Variants in OPCML observed in about 807,000 individuals in gnomAD.
OPCML encodes the protein opioid-binding protein/cell adhesion molecule.
In OPCML, 13 loss-of-function variants were observed where a neutral mutation model predicts 37.8. The ratio of observed to expected loss-of-function variants is 0.34; its 90% CI spans 0.22 to 0.55. The LOEUF (loss-of-function observed/expected upper bound fraction) is 0.55, where lower values mean the gene tolerates loss of function less well. Among genes scored for constraint, OPCML ranks in the 20% least tolerant of loss-of-function variants. The pLI is 0.91. For synonymous variants in OPCML, 176 were observed against 168.8 expected, an observed-to-expected ratio of 1.04 and a Z score of -0.33; for missense variants, 341 against 435.6, an observed-to-expected ratio of 0.78 and a Z score of 1.93.
At chr11:133,356,482 G>C (rs1156470390) in intron 1 of OPCML, among the ~76,000 whole-genome samples, 1 of 152,198 alleles carries the variant, frequency 6.6e-6, no homozygotes, top group Non-Finnish European at 1.5e-5. Context: ...GTGTGAGAAA[G>C]TAGGAGCCAG....
chr11:132,649,325 C>T (rs775874548), intron 3 of OPCML, among the ~76,000 whole-genome samples: 2 of 152,034 alleles, frequency 1.3e-5, no homozygotes, highest in Non-Finnish European at 2.9e-5. Context: ...CAACCACACA[C>T]AATGTCATGA....
At chr11:133,104,144 G>A (rs895104051) in intron 1 of OPCML, among the ~76,000 whole-genome samples, 1 of 152,238 alleles carries the variant, frequency 6.6e-6, no homozygotes, top group Non-Finnish European at 1.5e-5. Flanking sequence ...CCACAGGTGA[G>A]AGCGCATGGA....
At chr11:132,902,328 C>G (rs184447616) in intron 2 of OPCML, among the ~76,000 whole-genome samples, 1 of 152,110 alleles carries the variant, frequency 6.6e-6, no homozygotes, top group South Asian at 2.1e-4. Context: ...GTGCAATTAG[C>G]TTGGAGGAAG....
rs147663268 is a variant in OPCML, at chr11:132,455,056, G to A, written c.506-17697C>T. On this transcript the variant is annotated intron_variant, in intron 4 of 7. Coordinates refer to ENST00000524381, the MANE Select transcript of OPCML (RefSeq NM_001012393.5). ...CATAAACCTGGATATATTACAGGTCGAACCCTGTCTCCTAAAACATAACAG... is the reference window on the plus strand; with the variant it reads ...CATAAACCTGGATATATTACAGGTCAAACCCTGTCTCCTAAAACATAACAG... Among the ~76,000 whole-genome samples, 206 of 152,196 alleles carry A rather than the reference G, an allele frequency of 1.4e-3. 1 individual carries two copies. The highest frequency in any genetic ancestry group is 4.4e-3 in the African/African-American group (184 of 41,538).
In OPCML at chr11:133,205,994, G is replaced by A. The variant is rs1228468325; in HGVS notation, c.62-262984C>T. 6.6e-6 allele frequency among the ~76,000 whole-genome samples: 1 copy of A among 152,200 alleles called. No individual in the cohort carries two copies. The highest frequency in any genetic ancestry group is 1.5e-5 in the Non-Finnish European group (1 of 68,036). ...TTAGCCCCAGCTCCCTGATGGGTGA[G>A]ATGGAGATGCTACTACTGCCGTGAG... On this transcript the variant is annotated intron_variant, in intron 1 of 7. Transcript: ENST00000524381. The surrounding 1 kb of genome is among the most constrained non-coding windows in gnomAD (Gnocchi z 4.8).
chr11:133,293,783 G>T (rs548949674), intron 1 of OPCML, among the ~76,000 whole-genome samples: 3 of 151,916 alleles, frequency 2.0e-5, no homozygotes, highest in Non-Finnish European at 2.9e-5. Flanking sequence ...AAATCCACTA[G>T]CACACAGGTG....
chr11:133,418,213 G>T, intron 1 of OPCML: 1 of 985,410 alleles, frequency 1.0e-6, no homozygotes, highest in Non-Finnish European at 1.2e-6. Context: ...CACCTGATAG[G>T]TGTGGTGATC....
intron 3 of OPCML, among the ~76,000 whole-genome samples, chr11:132,582,163 A>C (rs892095631): frequency 1.3e-5 from 2 of 151,286 alleles, no homozygotes; most frequent in Admixed American, 1.3e-4. Flanking sequence ...ACAGAGAGAG[A>C]GAGTGCCTGC....
intron 1 of OPCML, among the ~76,000 whole-genome samples, chr11:132,952,469 G>T (rs1167672190): frequency 1.3e-5 from 2 of 152,116 alleles, no homozygotes; most frequent in Non-Finnish European, 2.9e-5. Flanking sequence ...TCTCATTCTT[G>T]TTTGCACACT....
intron 4 of OPCML, among the ~76,000 whole-genome samples, chr11:132,459,168 C>T (rs755101703): frequency 2.0e-4 from 31 of 152,066 alleles, no homozygotes; most frequent in Non-Finnish European, 4.3e-4. Context: ...AACAGGAACC[C>T]GCTCCTGCCC....
intron 1 of OPCML, among the ~76,000 whole-genome samples, chr11:133,112,914 C>T (rs1949278968): frequency 1.3e-5 from 2 of 152,284 alleles, no homozygotes; most frequent in African/African-American, 4.8e-5. Flanking sequence ...CCAGCAGCCC[C>T]AGAGGAAAGG....
At chr11:133,184,590 A>C (rs11223382) in intron 1 of OPCML, among the ~76,000 whole-genome samples, 24,568 of 152,068 alleles carry the variant, frequency 0.16, 2,130 homozygotes, top group Middle Eastern at 0.2. Flanking sequence ...TCTACTCATA[A>C]AAATCACCAT....
At chr11:132,977,304 C>T (rs2136776040) in intron 1 of OPCML, among the ~76,000 whole-genome samples, 1 of 152,296 alleles carries the variant, frequency 6.6e-6, no homozygotes, top group African/African-American at 2.4e-5. Flanking sequence ...CTTTGTTCCC[C>T]TGCCCTGGGC....
At chr11:132,782,366 G>A (rs1947061868) in intron 2 of OPCML, among the ~76,000 whole-genome samples, 1 of 152,180 alleles carries the variant, frequency 6.6e-6, no homozygotes, top group Admixed American at 6.5e-5. Flanking sequence ...GCTGAATTAG[G>A]CTAATGAGGG....
chr11:133,158,415 T>C (rs73596444), intron 1 of OPCML, among the ~76,000 whole-genome samples: 6,935 of 152,112 alleles, frequency 0.046, 518 homozygotes, highest in African/African-American at 0.16. Context: ...AAAAATAAGA[T>C]CCAGGGCCAG....
At chr11:132,992,776 G>A (rs1946805873) in intron 1 of OPCML, among the ~76,000 whole-genome samples, 1 of 152,194 alleles carries the variant, frequency 6.6e-6, no homozygotes, top group Non-Finnish European at 1.5e-5. Context: ...CTATCAGAAG[G>A]TTGTTGTCTA....
chr11:132,628,743 G>A (rs1292797104), intron 3 of OPCML, among the ~76,000 whole-genome samples: 1 of 152,134 alleles, frequency 6.6e-6, no homozygotes, highest in Non-Finnish European at 1.5e-5. Context: ...GGACCCAGTG[G>A]GAGGTAATTG....
chr11:132,455,349 A>G (rs2096079151), intron 4 of OPCML, among the ~76,000 whole-genome samples: 1 of 152,124 alleles, frequency 6.6e-6, no homozygotes. Context: ...TACCGGTGAG[A>G]TTCCCTTAAC....
chr11:133,416,788 T>G (rs749891110), intron 1 of OPCML, among the ~76,000 whole-genome samples: 28 of 152,160 alleles, frequency 1.8e-4, no homozygotes, highest in Non-Finnish European at 2.9e-4. Context: ...GTGCCTTTTG[T>G]TATTCATAAT....
Sources: allele counts gnomAD v4.1 joint callset (sites outside exome capture counted in the v4.1 genomes callset), GRCh38; gene constraint gnomAD v4.1.1; non-coding constraint Gnocchi (gnomAD v3.1); transcripts MANE v1.5; gene names NCBI Gene and HGNC (gene_info 2026-07-23, HGNC 2026-07-21).